OTUD7A: variants seen among roughly 807,000 people sequenced by gnomAD.
OTUD7A encodes the protein OTU domain-containing protein 7A.
OTUD7A carries 12 observed loss-of-function variants against 65.7 expected under a neutral mutation model. The ratio of observed to expected loss-of-function variants is 0.18; its 90% confidence interval spans 0.12 to 0.30. The LOEUF is 0.30. Ranked by LOEUF, OTUD7A falls within the 10% of genes least tolerant of loss-of-function variation. OTUD7A has a pLI of 1.00. For missense variants in OTUD7A, 1,148 were observed against 1,304.8 expected, an observed-to-expected ratio of 0.88 and a Z score of 1.85; for synonymous variants, 641 against 586.3, an observed-to-expected ratio of 1.09 and a Z score of -1.35.
chr15:31,713,620 A>G lies in OTUD7A; in HGVS notation c.-99-56543T>C, dbSNP rs529894585. ...GACAACAGGGAGAGACTCTGTCTCAATAACGACAACAATAAAAAACCCTAA... is the reference window on the plus strand; with the variant it reads ...GACAACAGGGAGAGACTCTGTCTCAGTAACGACAACAATAAAAAACCCTAA... On this transcript the variant is annotated intron_variant, in intron 1 of 12. Transcript: ENST00000307050. Among the ~76,000 whole-genome samples, 193 of 151,486 alleles carry G rather than the reference A, an allele frequency of 1.3e-3. 1 individual carries two copies. The highest frequency in any genetic ancestry group is 3.6e-3 in the South Asian group (17 of 4,740).
At chr15:31,572,276 A>G (rs887839711) in intron 3 of OTUD7A, among the ~76,000 whole-genome samples, 3 of 152,052 alleles carry the variant, frequency 2.0e-5, no homozygotes, top group Admixed American at 1.3e-4. Context: ...ATCTTTCTGT[A>G]TTTGCTTACT....
chr15:31,486,613 C>T (rs1056276109), intron 12 of OTUD7A, among the ~76,000 whole-genome samples: 1 of 152,002 alleles, frequency 6.6e-6, no homozygotes, highest in Non-Finnish European at 1.5e-5. Flanking sequence ...GCCCCGGACC[C>T]TCTGGAGGCA....
chr15:31,612,960 G>C (rs1020047652), intron 3 of OTUD7A, among the ~76,000 whole-genome samples: 3 of 152,106 alleles, frequency 2.0e-5, no homozygotes, highest in Non-Finnish European at 4.4e-5. Flanking sequence ...TAGACCAATG[G>C]AACAGAATAG....
chr15:31,865,048 A>T (rs1472144235), intron 1 of OTUD7A, among the ~76,000 whole-genome samples: 1 of 152,178 alleles, frequency 6.6e-6, no homozygotes, highest in Non-Finnish European at 1.5e-5. Context: ...GTTGTGCCCA[A>T]GGTCACACAA....
chr15:31,585,685 C>T (rs1047223936), intron 3 of OTUD7A, among the ~76,000 whole-genome samples: 1 of 152,312 alleles, frequency 6.6e-6, no homozygotes, highest in African/African-American at 2.4e-5. Flanking sequence ...CACTTGCAAC[C>T]TCCAGATTCT....
chr15:31,792,487 T>C (rs1895843550), intron 1 of OTUD7A, among the ~76,000 whole-genome samples: 1 of 152,146 alleles, frequency 6.6e-6, no homozygotes, highest in Non-Finnish European at 1.5e-5. Context: ...TGGGCCAGCT[T>C]GTTCATCCTG....
At chr15:31,618,113 A>C (rs1890653236) in intron 3 of OTUD7A, among the ~76,000 whole-genome samples, 1 of 152,020 alleles carries the variant, frequency 6.6e-6, no homozygotes, top group African/African-American at 2.4e-5. Context: ...TGAACTCATC[A>C]TTTTTTATGG....
intron 1 of OTUD7A, among the ~76,000 whole-genome samples, chr15:31,804,567 G>A (rs1033658332): frequency 3.9e-5 from 6 of 152,080 alleles, no homozygotes; most frequent in Non-Finnish European, 7.4e-5. Context: ...ACTGCCCCTC[G>A]ACTTCACAAG....
At chr15:31,655,777 A>G (rs981042546) in intron 2 of OTUD7A, among the ~76,000 whole-genome samples, 10 of 152,210 alleles carry the variant, frequency 6.6e-5, no homozygotes, top group African/African-American at 2.2e-4. Context: ...ATTAATTCCA[A>G]TAACTGATGA....
At chr15:31,606,915 GAAGT>G (rs1159377950) in intron 3 of OTUD7A, among the ~76,000 whole-genome samples, 1 of 152,186 alleles carries the variant, frequency 6.6e-6, no homozygotes, top group Non-Finnish European at 1.5e-5. Context: ...TTCCAGCAAT[GAAGT>G]AAGTGTTTAT....
At chr15:31,538,638 C>T (rs1328168889) in intron 5 of OTUD7A, among the ~76,000 whole-genome samples, 1 of 152,178 alleles carries the variant, frequency 6.6e-6, no homozygotes, top group African/African-American at 2.4e-5. Context: ...CCAATTTTAA[C>T]TTCTCTGACC....
chr15:31,479,410 A>T lies in OTUD7A; in HGVS notation c.*3884T>A, dbSNP rs1216612084. On this transcript the variant is annotated 3_prime_UTR_variant, in exon 13 of 13. Coordinates refer to ENST00000307050, the MANE Select transcript of OTUD7A (RefSeq NM_001382637.1). ...CCACACCAAGATGAGGAGAAAAAAA[A>T]TCATGGCCATAAAGAAAGGAGCCCC... 5 of 152,214 alleles carry T rather than the reference A, an allele frequency of 3.3e-5. No individual in the cohort carries two copies. The highest frequency in any genetic ancestry group is 6.5e-5 in the Admixed American group (1 of 15,284). The allele number at this position is 152,214 out of a possible 1,614,324, so 9.4% of individuals were successfully genotyped here.
chr15:31,590,806 T>C (rs1008795572), intron 3 of OTUD7A, among the ~76,000 whole-genome samples: 2 of 152,184 alleles, frequency 1.3e-5, no homozygotes, highest in African/African-American at 4.8e-5. Context: ...GAACAGCCTA[T>C]AGCTACAGAA....
chr15:31,717,870 G>A (rs143461777), intron 1 of OTUD7A, among the ~76,000 whole-genome samples: 46 of 152,268 alleles, frequency 3.0e-4, no homozygotes, highest in East Asian at 2.1e-3. Context: ...GTGTAAAAGC[G>A]TTCCTATTTC....
At position 31,487,575 on chromosome 15, in the gene OTUD7A, G is replaced by C. The variant is rs376547717; in HGVS notation, c.1172-9C>G. On this transcript the variant is annotated splice_polypyrimidine_tract_variant and intron_variant, in intron 10 of 12. Transcript: ENST00000307050. The surrounding 1 kb of genome is among the most constrained non-coding windows in gnomAD (Gnocchi z 6.0). ...CGTCAGGGGGATCACGGCTGGAACA[G>C]AAGAGACAGAGCCGTGCTTGGAGCC... The C allele has an allele frequency of 1.5e-4, 249 of 1,610,444 alleles. No individual in the cohort carries two copies. Among genetic ancestry groups the C allele is most frequent in the Non-Finnish European group, 2.0e-4 (236 of 1,178,248 alleles).
At position 31,791,066 on chromosome 15, in the gene OTUD7A, C is replaced by T. The variant is rs556878331; in HGVS notation, c.-100+79441G>A. Among the ~76,000 whole-genome samples, 317 of 152,222 alleles carry T rather than the reference C, an allele frequency of 2.1e-3. 3 individuals carry two copies. Among genetic ancestry groups the T allele is most frequent in the African/African-American group, 7.3e-3 (302 of 41,540 alleles). ...CTTTTGAGACGGAGTCTTGTTCTGT[C>T]GCCAGGCTGGAGTGCAGTGGCTCGA... On this transcript the variant is annotated intron_variant, in intron 1 of 12. Coordinates refer to ENST00000307050, the MANE Select transcript of OTUD7A (RefSeq NM_001382637.1).
chr15:31,629,387 G>A (rs1234691274), intron 3 of OTUD7A, among the ~76,000 whole-genome samples: 4 of 152,128 alleles, frequency 2.6e-5, no homozygotes, highest in African/African-American at 9.7e-5. Context: ...TTATATGCTG[G>A]ATTACATCTA....
intron 1 of OTUD7A, among the ~76,000 whole-genome samples, chr15:31,849,071 G>A (rs1897357833): frequency 6.6e-6 from 1 of 152,204 alleles, no homozygotes; most frequent in South Asian, 2.1e-4. Context: ...AGCTTCTGCT[G>A]AGAGATCCAC....
intron 1 of OTUD7A, among the ~76,000 whole-genome samples, chr15:31,839,261 T>C (rs1314773812): frequency 1.3e-5 from 2 of 152,252 alleles, no homozygotes; most frequent in Non-Finnish European, 2.9e-5. Context: ...GCCTCAATAC[T>C]GGATGTCACC....
Sources: gnomAD v4.1 joint callset for allele counts (sites outside exome capture counted in the v4.1 genomes callset) on GRCh38, gnomAD v4.1.1 for gene constraint, Gnocchi (gnomAD v3.1) non-coding constraint, MANE v1.5 for transcripts, NCBI Gene and HGNC (gene_info 2026-07-23, HGNC 2026-07-21) for gene names.